The following MBD4 variants were observed in gnomAD, a reference collection of about 807,000 sequenced individuals.
MBD4 encodes methyl-CpG-binding domain protein 4.
In MBD4, 53 loss-of-function variants were observed where a neutral mutation model predicts 60.2. The observed-to-expected ratio is 0.88, with a 90% CI of 0.71 to 1.11. MBD4 has a LOEUF of 1.11. Ranked by LOEUF, MBD4 falls within the 50% of genes least tolerant of loss-of-function variation. The probability of loss-of-function intolerance (pLI) is 0.00; values close to 1 mark genes in which losing one functional copy is unlikely to be tolerated. For missense variants in MBD4, 619 were observed against 674.0 expected, an observed-to-expected ratio of 0.92 and a Z score of 0.90; for synonymous variants, 231 against 229.8, an observed-to-expected ratio of 1.01 and a Z score of -0.05.
At position 129,431,408 on chromosome 3, in the gene MBD4, T is replaced by A; in HGVS notation, c.*93A>T. Reference sequence around the variant, plus strand: ...AGGCTTCTAGTTGGGCTAATTAAAATCTCTATGGCTGGAAAGGTGGTTGGT... The same window carrying A: ...AGGCTTCTAGTTGGGCTAATTAAAAACTCTATGGCTGGAAAGGTGGTTGGT... On this transcript the variant is annotated 3_prime_UTR_variant, in exon 8 of 8. Coordinates refer to ENST00000429544, the MANE Select transcript of MBD4 (RefSeq NM_001276270.2). The A allele has an allele frequency of 9.8e-7, 1 of 1,017,286 alleles. No individual in the cohort carries two copies. The highest frequency in any genetic ancestry group is 1.5e-6 in the Non-Finnish European group (1 of 647,046). 63.0% of individuals were successfully genotyped at this position (1,017,286 alleles called of 1,614,324 possible).
In MBD4 at chr3:129,439,717, G is replaced by T. The variant is rs759841262; in HGVS notation, c.104+13C>A. 4.0e-6 allele frequency: 6 copies of T among 1,505,282 alleles called. No individual in the cohort carries two copies. The highest frequency in any genetic ancestry group is 5.5e-6 in the Non-Finnish European group (6 of 1,097,270). 93.2% of individuals were successfully genotyped at this position (1,505,282 alleles called of 1,614,324 possible). ...GTGGTGAAACTGAGGCCCAAAAGGGGACAGTAACTTACCGGAGGTCATTCG... is the reference window on the plus strand; with the variant it reads ...GTGGTGAAACTGAGGCCCAAAAGGGTACAGTAACTTACCGGAGGTCATTCG... On this transcript the variant is annotated intron_variant, in intron 1 of 7. Transcript: ENST00000429544.
Position 129,431,448 on chromosome 3 carries a change from C to G in MBD4, c.*53G>C. ...AGGTGGTTGGTTGTACTTAATTAAG[C>G]TTTTTTGAAGTGCAAAGCTATGCAT... On this transcript the variant is annotated 3_prime_UTR_variant, in exon 8 of 8. Transcript: ENST00000429544. The G allele has an allele frequency of 6.8e-7, 1 of 1,463,750 alleles. No individual in the cohort carries two copies. Among genetic ancestry groups the G allele is most frequent in the East Asian group, 2.3e-5 (1 of 44,144 alleles). The allele number at this position is 1,463,750 out of a possible 1,614,324, so 90.7% of individuals were successfully genotyped here. A position where few individuals can be genotyped will look rare whatever the true frequency, so the allele number is the denominator to read the frequency against.
In MBD4 at chr3:129,436,870, A is replaced by G. The variant is rs770216992; in HGVS notation, c.774T>C (p.Val258=). Residue 258 remains valine (V), a synonymous_variant, in exon 3 of 8, where the codon GTT becomes GTC. Coordinates refer to ENST00000429544, the MANE Select transcript of MBD4 (RefSeq NM_001276270.2). ...KGCRKSCSGF[V]QSDSKRESVC... is the part of the protein sequence containing the mutation. ...CAGATTCTCTTTTGCTATCACTTTG[A>G]ACAAAACCTGAACAGCTCTTCCTAC... 24 of 1,614,028 alleles carry G rather than the reference A, an allele frequency of 1.5e-5. No homozygotes were observed. The South Asian group carries it at 2.6e-4, about 18-fold the overall frequency.
intron 7 of MBD4, among the ~76,000 whole-genome samples, chr3:129,431,797 T>C (rs1158017186): frequency 6.6e-6 from 1 of 152,242 alleles, no homozygotes; most frequent in Non-Finnish European, 1.5e-5. Flanking sequence ...TCCAAATTAC[T>C]ACTCAACCAT....
chr3:129,433,507 A>C, intron 5 of MBD4: 1 of 594,876 alleles, frequency 1.7e-6, no homozygotes, highest in South Asian at 2.0e-5. Flanking sequence ...TGATCAGATC[A>C]GCAGATAATG....
In MBD4 at chr3:129,434,130, G is replaced by GT. The variant is rs1236554656; in HGVS notation, c.1189dup (p.Thr397AsnfsTer21). The GT allele has an allele frequency of 6.2e-7, 1 of 1,613,472 alleles. No individual in the cohort carries two copies. Among genetic ancestry groups the GT allele is most frequent in the Non-Finnish European group, 8.5e-7 (1 of 1,179,536 alleles). ...TCTTTCTATCTGTGTTCGTGGGATGGTATCTTCTGAAAAGGAAAAGTAAAC... is the reference window on the plus strand; with the variant it reads ...TCTTTCTATCTGTGTTCGTGGGATGGTTATCTTCTGAAAAGGAAAAGTAAAC... On this transcript the variant is annotated frameshift_variant, in exon 4 of 8. Coordinates refer to ENST00000429544, the MANE Select transcript of MBD4 (RefSeq NM_001276270.2). LOFTEE classifies it high-confidence loss of function.
Position 129,433,206 on chromosome 3 carries a change from A to C in MBD4, c.1435T>G (p.Tyr479Asp), listed in dbSNP as rs2072388817. The C allele has an allele frequency of 6.2e-7, 1 of 1,614,206 alleles. No individual in the cohort carries two copies. Among genetic ancestry groups the C allele is most frequent in the Non-Finnish European group, 8.5e-7 (1 of 1,180,018 alleles). Reference protein sequence around the residue: ...IPVLWKFLEKYPSAEVARTAD... With the variant: ...IPVLWKFLEKDPSAEVARTAD... ...GTTCTTGCTACCTCAGCTGAAGGATACTTCTCCAGAAACTTCCAAAGCACA... is the reference window on the plus strand; with the variant it reads ...GTTCTTGCTACCTCAGCTGAAGGATCCTTCTCCAGAAACTTCCAAAGCACA... The change falls in exon 6 of 8, where the codon TAT (tyrosine) becomes GAT (aspartate). Residue 479 changes from tyrosine to aspartate, a missense_variant. Coordinates refer to ENST00000429544, the MANE Select transcript of MBD4 (RefSeq NM_001276270.2).
intron 3 of MBD4, among the ~76,000 whole-genome samples, chr3:129,434,623 A>G (rs914394413): frequency 5.3e-5 from 8 of 152,246 alleles, no homozygotes; most frequent in Non-Finnish European, 1.0e-4. Flanking sequence ...TCTACATATG[A>G]TCCCAATTTT....
chr3:129,436,226 G>A (rs2072457707), intron 3 of MBD4, among the ~76,000 whole-genome samples: 1 of 152,158 alleles, frequency 6.6e-6, no homozygotes, highest in African/African-American at 2.4e-5. Flanking sequence ...CCTTTGCCAT[G>A]GCATCACGAC....
At chr3:129,438,798 G>C (rs1446253803) in intron 1 of MBD4, among the ~76,000 whole-genome samples, 1 of 151,966 alleles carries the variant, frequency 6.6e-6, no homozygotes, top group Non-Finnish European at 1.5e-5. Flanking sequence ...ACCGGGCGTG[G>C]TGGAGCATAC....
chr3:129,436,053 A>C (rs1051818649), intron 3 of MBD4, among the ~76,000 whole-genome samples: 30 of 152,352 alleles, frequency 2.0e-4, no homozygotes, highest in African/African-American at 7.2e-4. Context: ...GTATATAAGA[A>C]GCCTTCCCTA....
chr3:129,438,032 G>A (rs1304656683), intron 1 of MBD4, 82 bp from the exon 2 acceptor site: 91 of 806,802 alleles, frequency 1.1e-4, no homozygotes, highest in Non-Finnish European at 8.6e-6. Context: ...TGACAATGCA[G>A]GAACCACATA....
chr3:129,439,322 C>T (rs1399374783), intron 1 of MBD4, among the ~76,000 whole-genome samples: 2 of 152,096 alleles, frequency 1.3e-5, no homozygotes, highest in African/African-American at 2.4e-5. Flanking sequence ...CAGCAAGTTA[C>T]TTAACATCTC....
intron 3 of MBD4, among the ~76,000 whole-genome samples, chr3:129,436,102 T>G (rs1352996659): frequency 6.6e-6 from 1 of 152,176 alleles, no homozygotes; most frequent in Non-Finnish European, 1.5e-5. Flanking sequence ...TTCCTTCAAG[T>G]TTTAAGATTA....
At chr3:129,434,253 C>T in intron 3 of MBD4, 117 bp from the exon 4 acceptor site, 1 of 821,850 alleles carries the variant, frequency 1.2e-6, no homozygotes, top group Non-Finnish European at 2.0e-6. Context: ...ATTCTAAGCC[C>T]TTTACATAAA....
chr3:129,432,992 A>G, intron 6 of MBD4, 106 bp downstream of exon 6: 1 of 1,463,102 alleles, frequency 6.8e-7, no homozygotes. Flanking sequence ...GCTTGAGCTG[A>G]AAAACCTCCA....
intron 3 of MBD4, among the ~76,000 whole-genome samples, chr3:129,435,386 T>C (rs549889023): frequency 1.3e-5 from 2 of 152,350 alleles, no homozygotes; most frequent in African/African-American, 4.8e-5. Context: ...GGACACCTCG[T>C]ACTAAGAGTA....
Position 129,439,910 on chromosome 3 carries a change from C to T in MBD4, c.-77G>A. On this transcript the variant is annotated 5_prime_UTR_variant, in exon 1 of 8. Transcript: ENST00000429544. Reference sequence around the variant, plus strand: ...TGGGGCGGAGTAAGATGTGAAACCTCTTCAGCTCACGGCACCGGGCTGCAA... The same window carrying T: ...TGGGGCGGAGTAAGATGTGAAACCTTTTCAGCTCACGGCACCGGGCTGCAA... The T allele has an allele frequency of 1.9e-6, 2 of 1,027,284 alleles. No individual in the cohort carries two copies. Among genetic ancestry groups the T allele is most frequent in the South Asian group, 1.3e-5 (1 of 74,862 alleles). 63.6% of individuals were successfully genotyped at this position (1,027,284 alleles called of 1,614,324 possible).
chr3:129,439,719 C>G lies in MBD4; in HGVS notation c.104+11G>C, dbSNP rs765347849. ...GGTGAAACTGAGGCCCAAAAGGGGA[C>G]AGTAACTTACCGGAGGTCATTCGGC... On this transcript the variant is annotated intron_variant, in intron 1 of 7. Coordinates refer to ENST00000429544, the MANE Select transcript of MBD4 (RefSeq NM_001276270.2). 6.6e-7 allele frequency: 1 copy of G among 1,522,272 alleles called. No homozygotes were observed. The highest frequency in any genetic ancestry group is 1.9e-5 in the Admixed American group (1 of 52,678). 94.3% of individuals were successfully genotyped at this position (1,522,272 alleles called of 1,614,324 possible). A position where few individuals can be genotyped will look rare whatever the true frequency, so the allele number is the denominator to read the frequency against.
Sources: allele counts gnomAD v4.1 joint callset (sites outside exome capture counted in the v4.1 genomes callset), GRCh38; gene constraint gnomAD v4.1.1; transcripts MANE v1.5; gene names NCBI Gene and HGNC (gene_info 2026-07-23, HGNC 2026-07-21).